The following ZNF385D variants were observed in gnomAD, a reference collection of about 807,000 sequenced individuals.
ZNF385D encodes zinc finger protein 385D.
In ZNF385D, 15 loss-of-function variants were observed where a neutral mutation model predicts 35.8. That is an observed-to-expected ratio of 0.42 (90% confidence interval 0.28 to 0.64). ZNF385D has a LOEUF of 0.64. Ranked by LOEUF, ZNF385D falls within the 30% of genes least tolerant of loss-of-function variation. The pLI, the probability that ZNF385D is intolerant of heterozygous loss-of-function variation, is 0.23. For synonymous variants in ZNF385D, 212 were observed against 186.8 expected (o/e 1.13, Z -1.10); for missense variants, 474 against 494.6 (o/e 0.96, Z 0.39).
chr3:21,934,006 T>A (rs1443375749), intron 3 of ZNF385D, among the ~76,000 whole-genome samples: 1 of 150,026 alleles, frequency 6.7e-6, no homozygotes, highest in African/African-American at 2.4e-5. Context: ...CACTGGTAAT[T>A]AAAAAAAAAA....
chr3:21,736,377 G>A (rs1327812674), intron 1 of ZNF385D, among the ~76,000 whole-genome samples: 1 of 152,066 alleles, frequency 6.6e-6, no homozygotes, highest in Non-Finnish European at 1.5e-5. Flanking sequence ...TTTTTAAAAA[G>A]TATGGAATTA....
At chr3:22,067,784 G>A (rs531400618) in intron 3 of ZNF385D, among the ~76,000 whole-genome samples, 1 of 152,324 alleles carries the variant, frequency 6.6e-6, no homozygotes, top group East Asian at 1.9e-4. Context: ...AGTACTTTGG[G>A]AAACTGAGGT....
intron 2 of ZNF385D, among the ~76,000 whole-genome samples, chr3:22,181,359 C>A (rs901135619): frequency 1.3e-5 from 2 of 152,124 alleles, no homozygotes; most frequent in Non-Finnish European, 2.9e-5. Context: ...CCACAGTCCA[C>A]TCTCCTGGAG....
intron 4 of ZNF385D, among the ~76,000 whole-genome samples, chr3:21,451,988 T>C (rs1223609255): frequency 6.6e-6 from 1 of 152,054 alleles, no homozygotes; most frequent in Non-Finnish European, 1.5e-5. Context: ...GCAGCAATTA[T>C]ATATTTTTTA....
At chr3:21,785,547 C>G (rs970755700) in intron 3 of ZNF385D, among the ~76,000 whole-genome samples, 2 of 152,172 alleles carry the variant, frequency 1.3e-5, no homozygotes, top group Non-Finnish European at 2.9e-5. Context: ...CTTTAACCAT[C>G]ACTCACCTTC....
chr3:21,782,756 T>C (rs2071543225), intron 3 of ZNF385D, among the ~76,000 whole-genome samples: 1 of 152,158 alleles, frequency 6.6e-6, no homozygotes, highest in Admixed American at 6.6e-5. Flanking sequence ...ATGTGTCTGA[T>C]ATGTGTTAGT....
At chr3:21,809,547 T>A (rs948903320) in intron 3 of ZNF385D, among the ~76,000 whole-genome samples, 8 of 151,530 alleles carry the variant, frequency 5.3e-5, no homozygotes, top group African/African-American at 7.3e-5. Context: ...AATTTAAGAA[T>A]GTATATAACC....
intron 3 of ZNF385D, among the ~76,000 whole-genome samples, chr3:22,131,368 T>G (rs1004154072): frequency 1.3e-5 from 2 of 151,222 alleles, no homozygotes; most frequent in Non-Finnish European, 3.0e-5. Flanking sequence ...TGGAGTAGAT[T>G]AAAAAAAAAG....
At chr3:21,575,764 G>C (rs1362939746) in intron 2 of ZNF385D, among the ~76,000 whole-genome samples, 3 of 152,252 alleles carry the variant, frequency 2.0e-5, no homozygotes, top group East Asian at 3.9e-4. Context: ...TCCCAAAACA[G>C]TAAAGTCAAG....
chr3:22,045,161 T>C (rs1239781744), intron 3 of ZNF385D, among the ~76,000 whole-genome samples: 1 of 149,840 alleles, frequency 6.7e-6, no homozygotes, highest in Non-Finnish European at 1.5e-5. Flanking sequence ...TGGGTCATAT[T>C]AAAAAAAAAA....
intron 3 of ZNF385D, among the ~76,000 whole-genome samples, chr3:21,881,726 A>G (rs1349215045): frequency 3.9e-5 from 6 of 152,042 alleles, no homozygotes; most frequent in Admixed American, 3.9e-4. Context: ...TGGGCAATGT[A>G]AACTGAAAAC....
intron 1 of ZNF385D, among the ~76,000 whole-genome samples, chr3:21,670,431 T>C (rs1017842120): frequency 1.3e-5 from 2 of 152,014 alleles, no homozygotes; most frequent in East Asian, 3.9e-4. Flanking sequence ...AGTTATTTAA[T>C]AAGCAACTAA....
chr3:21,773,699 T>G (rs1259882378), intron 3 of ZNF385D, among the ~76,000 whole-genome samples: 1 of 151,038 alleles, frequency 6.6e-6, no homozygotes. Flanking sequence ...ATTAGAGAAA[T>G]GAAAATCAAA....
chr3:22,259,910 A>G (rs1311544737), intron 2 of ZNF385D, among the ~76,000 whole-genome samples: 1 of 151,970 alleles, frequency 6.6e-6, no homozygotes, highest in African/African-American at 2.4e-5. Flanking sequence ...GAAAGAGACC[A>G]TCAACCTCCT....
chr3:21,611,215 A>G (rs1409671844), intron 2 of ZNF385D, among the ~76,000 whole-genome samples: 1 of 152,206 alleles, frequency 6.6e-6, no homozygotes. Flanking sequence ...GGCTACACAA[A>G]TCAGAATACC....
rs549337029 is a variant in ZNF385D, at chr3:22,262,033, C to T, written c.107-92998G>A. 3.3e-5 allele frequency among the ~76,000 whole-genome samples: 5 copies of T among 152,052 alleles called. No homozygotes were observed. In the South Asian group the frequency reaches 8.3e-4, roughly 25 times the overall value. On this transcript the variant is annotated intron_variant, in intron 2 of 5. Coordinates refer to the ZNF385D transcript ENST00000494108. ...TGATCCATTAATATTTTTAAACTTG[C>T]AGCATATTATCATATAAATAATTTT...
chr3:21,464,983 C>A (rs780317418), intron 4 of ZNF385D, among the ~76,000 whole-genome samples: 14 of 152,072 alleles, frequency 9.2e-5, no homozygotes, highest in Non-Finnish European at 1.6e-4. Context: ...GACCCCACTG[C>A]CGGCCAAGGA....
intron 1 of ZNF385D, among the ~76,000 whole-genome samples, chr3:21,749,319 T>C (rs1388144371): frequency 6.6e-6 from 1 of 152,232 alleles, no homozygotes; most frequent in African/African-American, 2.4e-5. Flanking sequence ...CAGTCCAGCA[T>C]GGATGGCCTT....
chr3:21,941,709 G>A (rs1024975210), intron 3 of ZNF385D, among the ~76,000 whole-genome samples: 3 of 151,802 alleles, frequency 2.0e-5, no homozygotes, highest in Middle Eastern at 3.2e-3. Context: ...GTATTAGCTA[G>A]GATGGTCTCG....
Sources: allele counts gnomAD v4.1 joint callset (sites outside exome capture counted in the v4.1 genomes callset), GRCh38; gene constraint gnomAD v4.1.1; transcripts MANE v1.5; gene names NCBI Gene and HGNC (gene_info 2026-07-23, HGNC 2026-07-21).